The following ZNF273 variants were observed in gnomAD, a reference collection of about 807,000 sequenced individuals.
The protein encoded by ZNF273 is zinc finger protein 273, also known as zinc finger protein 9.
Under a neutral mutation model 14.9 loss-of-function variants are expected in ZNF273, and 11 were observed. The observed-to-expected ratio is 0.74, with a 90% CI of 0.46 to 1.22. The LOEUF is 1.22. ZNF273 is among the 50% of genes most tolerant of loss of function. The pLI is 0.00. For synonymous variants in ZNF273, 199 were observed against 223.9 expected (o/e 0.89, Z 0.99); for missense variants, 577 against 660.6 (o/e 0.87, Z 1.39).
downstream of ZNF273, chr7:64,933,745 A>C (rs1795036748): frequency 6.6e-6 from 1 of 152,242 alleles, no homozygotes; most frequent in East Asian, 1.9e-4. Flanking sequence ...TAATGTTTTA[A>C]AAATGAATTT....
At chr7:64,912,658 CT>C (rs1257775492) in intron 1 of ZNF273, among the ~76,000 whole-genome samples, 1 of 151,854 alleles carries the variant, frequency 6.6e-6, no homozygotes, top group Admixed American at 6.6e-5. Context: ...AAATAAGAGG[CT>C]TTATGATTCT....
intron 1 of ZNF273, among the ~76,000 whole-genome samples, chr7:64,886,733 G>C (rs547612836): frequency 6.6e-6 from 1 of 152,146 alleles, no homozygotes. Flanking sequence ...TTCTCAACGC[G>C]AAAGGAACTC....
At chr7:64,912,513 A>G (rs1793593019) in intron 1 of ZNF273, among the ~76,000 whole-genome samples, 1 of 151,874 alleles carries the variant, frequency 6.6e-6, no homozygotes, top group African/African-American at 2.4e-5. Context: ...CCCCATAAAC[A>G]TTCTTTAAAG....
At chr7:64,932,592 C>T (rs1223498794), downstream of ZNF273, among the ~76,000 whole-genome samples, 1 of 152,144 alleles carries the variant, frequency 6.6e-6, no homozygotes, top group East Asian at 1.9e-4. Flanking sequence ...GCGCGAGCCA[C>T]TGCGCCCGGC....
chr7:64,912,830 T>TG (rs1554386346), intron 1 of ZNF273, among the ~76,000 whole-genome samples: 13 of 94,318 alleles, frequency 1.4e-4, no homozygotes, highest in South Asian at 5.1e-4. Flanking sequence ...ATTTTAGTTT[T>TG]TTTTTTTTTT....
rs751009576 is a variant in ZNF273 at position 64,928,479 on chromosome 7, A to G, written c.1151A>G (p.Asn384Ser). 5.6e-6 allele frequency: 9 copies of G among 1,611,930 alleles called. No individual in the cohort carries two copies. The East Asian group carries it at 1.6e-4, about 28-fold the overall frequency. The change falls in exon 4 of 4, where the codon AAC becomes AGC. Residue 384 changes from asparagine to serine, a missense_variant. Asn to Ser is a conservative substitution (Grantham distance 46). Transcript: ENST00000476120. The stretch of plus-strand genomic sequence containing the variant: ...TGTGAAGAATGTGGCAAAGCTTTTA[A>G]CCAGTCCTCAACCCTTACTAGACAT... ...YKCEECGKAFNQSSTLTRHKI... is the reference protein window; with the variant it reads ...YKCEECGKAFSQSSTLTRHKI...
intron 1 of ZNF273, 72 bp from the exon 2 acceptor site, chr7:64,917,509 A>G (rs1016158497): frequency 9.0e-6 from 14 of 1,552,528 alleles, no homozygotes; most frequent in Non-Finnish European, 1.2e-5. Flanking sequence ...TTCGCATTCC[A>G]CCTTGAGTCA....
chr7:64,889,116 G>C (rs1267735227), downstream of ZNF273: 1 of 985,862 alleles, frequency 1.0e-6, no homozygotes, highest in Non-Finnish European at 1.2e-6. This position sits in a 1 kb window ranked among gnomAD's most constrained non-coding sequence, Gnocchi z 4.2. Context: ...CGGGAGCCAA[G>C]CAGGGATCCG....
intron 3 of ZNF273, among the ~76,000 whole-genome samples, chr7:64,919,893 C>A (rs191019678): frequency 6.6e-6 from 1 of 151,700 alleles, no homozygotes; most frequent in East Asian, 1.9e-4. Flanking sequence ...TCCTCAATTT[C>A]AATGGCTATT....
intron 3 of ZNF273, among the ~76,000 whole-genome samples, chr7:64,921,325 G>C (rs986514948): frequency 6.6e-6 from 1 of 152,080 alleles, no homozygotes; most frequent in Non-Finnish European, 1.5e-5. Context: ...GCCTCACAAA[G>C]TGCTGGGATT....
chr7:64,928,482 A>C lies in ZNF273; in HGVS notation c.1154A>C (p.Gln385Pro), dbSNP rs959590550. 1.9e-5 allele frequency: 30 copies of C among 1,610,292 alleles called. No homozygotes were observed. The highest frequency in any genetic ancestry group is 2.5e-5 in the Non-Finnish European group (30 of 1,178,848). ...GAAGAATGTGGCAAAGCTTTTAACC[A>C]GTCCTCAACCCTTACTAGACATAAG... is the stretch of plus-strand genomic sequence containing the variant. ...KCEECGKAFN[Q>P]SSTLTRHKIV... The change falls in exon 4 of 4, where the codon CAG becomes CCG. Residue 385 changes from glutamine to proline, a missense_variant. By Grantham distance (76) the Gln-to-Pro change is moderately conservative (BLOSUM62 -1). Transcript: ENST00000476120.
Position 64,912,826 on chromosome 7 carries a change from G to GTTTTTTGTTGTTGTTGTTTT in ZNF273, c.103-4749_103-4748insGTTGTTGTTGTTTTTTTTTT. 5.7e-4 allele frequency among the ~76,000 whole-genome samples: 21 copies of GTTTTTTGTTGTTGTTGTTTT among 36,578 alleles called. 1 individual carries two copies. Among genetic ancestry groups the GTTTTTTGTTGTTGTTGTTTT allele is most frequent in the East Asian group, 1.9e-3 (3 of 1,618 alleles). 24.0% of individuals were successfully genotyped at this position (36,578 alleles called of 152,430 possible). A position where few individuals can be genotyped will look rare whatever the true frequency, so the allele number is the denominator to read the frequency against. On this transcript the variant is annotated intron_variant, in intron 1 of 3. Coordinates refer to ENST00000476120, the MANE Select transcript of ZNF273 (RefSeq NM_021148.3). Reference sequence around the variant, plus strand: ...TCTTTTTGACTCAGGATTCATTTTAGTTTTTTTTTTTTTTTTTTTTGAGAT... The same window carrying GTTTTTTGTTGTTGTTGTTTT: ...TCTTTTTGACTCAGGATTCATTTTAGTTTTTTGTTGTTGTTGTTTTTTTTTTTTTTTTTTTTTTTTGAGAT...
At chr7:64,919,948 A>T (rs1794306662) in intron 3 of ZNF273, among the ~76,000 whole-genome samples, 1 of 151,508 alleles carries the variant, frequency 6.6e-6, no homozygotes, top group Admixed American at 6.6e-5. Flanking sequence ...ACATACTTCC[A>T]GTGCTATGTT....
intron 1 of ZNF273, among the ~76,000 whole-genome samples, chr7:64,915,101 A>G (rs1170566447): frequency 7.2e-5 from 11 of 152,170 alleles, no homozygotes; most frequent in Admixed American, 6.5e-4. Context: ...AGCATCTCTG[A>G]AAAATACTTC....
chr7:64,921,605 CTTTTTTTTT>C (rs752363426), intron 3 of ZNF273, among the ~76,000 whole-genome samples: 3 of 57,964 alleles, frequency 5.2e-5, no homozygotes, highest in East Asian at 5.5e-4. Context: ...CATGCTAATG[CTTTTTTTTT>C]TTTTTTTTTT....
chr7:64,912,826 G>GTTTTTTGTTGTTGTTT, intron 1 of ZNF273, among the ~76,000 whole-genome samples: 17 of 36,574 alleles, frequency 4.6e-4, no homozygotes, highest in Admixed American at 1.6e-3. Flanking sequence ...ATTCATTTTA[G>GTTTTTTGTTGTTGTTT]TTTTTTTTTT....
At position 64,928,348 on chromosome 7, in the gene ZNF273, T is replaced by C. The variant is rs749272940; in HGVS notation, c.1020T>C (p.His340=). 1.2e-6 allele frequency: 2 copies of C among 1,613,770 alleles called. No homozygotes were observed. Among genetic ancestry groups the C allele is most frequent in the South Asian group, 1.1e-5 (1 of 91,070 alleles). The change falls in exon 4 of 4, where the codon CAT becomes CAC. Residue 340 remains histidine (H), a synonymous_variant. Transcript: ENST00000476120. Reference sequence around the variant, plus strand: ...CCCTTACTAAACATAAGATAATTCATACTGGAGAGAAACCCTACAAATGCA... The same window carrying C: ...CCCTTACTAAACATAAGATAATTCACACTGGAGAGAAACCCTACAAATGCA... ...FSTLTKHKII[H]TGEKPYKCNE...
At chr7:64,925,240 T>C (rs903062999) in intron 3 of ZNF273, among the ~76,000 whole-genome samples, 5 of 152,046 alleles carry the variant, frequency 3.3e-5, no homozygotes, top group African/African-American at 1.2e-4. Context: ...GATTCTTGTA[T>C]CTTTGTCTCT....
chr7:64,879,256 G>A (rs1791189286), intron 2 of ZNF273, among the ~76,000 whole-genome samples: 1 of 152,190 alleles, frequency 6.6e-6, no homozygotes, highest in Admixed American at 6.5e-5. Flanking sequence ...CAGATTGTGG[G>A]TAGTGATCTC....
Sources: allele counts gnomAD v4.1 joint callset (sites outside exome capture counted in the v4.1 genomes callset), GRCh38; gene constraint gnomAD v4.1.1; non-coding constraint Gnocchi (gnomAD v3.1); transcripts MANE v1.5; gene names NCBI Gene and HGNC (gene_info 2026-07-23, HGNC 2026-07-21).